COTL1: variants seen among roughly 807,000 people sequenced by gnomAD.
The protein encoded by COTL1 is coactosin-like protein.
In COTL1, 15 loss-of-function variants were observed where a neutral mutation model predicts 16.5. That is an observed-to-expected ratio of 0.91 (90% CI 0.61 to 1.40). The LOEUF is 1.40. Ranked by LOEUF, COTL1 falls within the 40% of genes most tolerant of loss-of-function variation. The pLI, the probability that COTL1 is intolerant of heterozygous loss-of-function variation, is 0.00. For missense variants in COTL1, 220 were observed against 201.5 expected (o/e 1.09, Z -0.56); for synonymous variants, 112 against 85.3 (o/e 1.31, Z -1.73).
At chr16:84,589,843 C>T (rs1189972699) in intron 3 of COTL1, among the ~76,000 whole-genome samples, 1 of 152,126 alleles carries the variant, frequency 6.6e-6, no homozygotes, top group Non-Finnish European at 1.5e-5. Context: ...ACCTGCCCCA[C>T]CCACGGAGGC....
chr16:84,596,448 T>A (rs770829517), intron 2 of COTL1: 9 of 152,110 alleles, frequency 5.9e-5, no homozygotes, highest in Non-Finnish European at 1.3e-4. Context: ...AGAAATGAGA[T>A]CTGAAGGGTT....
At chr16:84,570,482 A>AC (rs1181817021) in intron 3 of COTL1, among the ~76,000 whole-genome samples, 2 of 113,326 alleles carry the variant, frequency 1.8e-5, no homozygotes, top group Non-Finnish European at 3.9e-5. Flanking sequence ...GTTTCAAACT[A>AC]CAAAAAAAAA....
chr16:84,597,581 G>C (rs1448988924), intron 2 of COTL1, among the ~76,000 whole-genome samples: 1 of 152,122 alleles, frequency 6.6e-6, no homozygotes, highest in African/African-American at 2.4e-5. Flanking sequence ...TGAGCCCCAG[G>C]GTGATTCTGA....
At chr16:84,571,769 C>T (rs1049552526) in intron 3 of COTL1, among the ~76,000 whole-genome samples, 8 of 152,206 alleles carry the variant, frequency 5.3e-5, no homozygotes, top group Admixed American at 3.9e-4. Context: ...GGGCCTGTGA[C>T]CAACAGTGGT....
At position 84,617,898 on chromosome 16, in the gene COTL1, T is replaced by C. The variant is rs1226140702; in HGVS notation, c.17A>G (p.Asp6Gly). ...GTACGCCGCCCGGCAAGCCTCTTTG[T>C]CGATCTTGGTGGCCATCGCCGCGGA... MATKIDKEACRAAYNL... is the reference protein window; with the variant it reads MATKIGKEACRAAYNL... The change falls in exon 1 of 4, where the codon GAC becomes GGC. Residue 6 changes from aspartate to glycine, a missense_variant. Asp to Gly is a moderately conservative substitution (Grantham distance 94). Transcript: ENST00000262428. 5 of 1,562,592 alleles carry C rather than the reference T, an allele frequency of 3.2e-6. No individual in the cohort carries two copies. The highest frequency in any genetic ancestry group is 4.3e-6 in the Non-Finnish European group (5 of 1,154,620).
intron 3 of COTL1, 118 bp from the exon 4 acceptor site, chr16:84,567,073 T>C: frequency 1.5e-6 from 1 of 666,436 alleles, no homozygotes; most frequent in Non-Finnish European, 2.7e-6. Flanking sequence ...GAGATGGAAA[T>C]GGAAATTCAG....
chr16:84,569,431 A>T (rs1320693221), intron 3 of COTL1, among the ~76,000 whole-genome samples: 1 of 152,206 alleles, frequency 6.6e-6, no homozygotes, highest in Non-Finnish European at 1.5e-5. Flanking sequence ...TGAGCCCAGG[A>T]GCATCCCGAA....
chr16:84,611,089 CCCCACCTTTACAGACGAGAAAACACAGA>C (rs1905313683), intron 2 of COTL1, among the ~76,000 whole-genome samples: 1 of 152,212 alleles, frequency 6.6e-6, no homozygotes, highest in South Asian at 2.1e-4. Flanking sequence ...CAATCATTAT[CCCCACCTTTACAGACGAGAAAACACAGA>C]CCCTGGGAGA....
chr16:84,606,460 T>C (rs1905212927), intron 2 of COTL1, among the ~76,000 whole-genome samples: 1 of 152,246 alleles, frequency 6.6e-6, no homozygotes, highest in South Asian at 2.1e-4. Flanking sequence ...AGAACAAAGC[T>C]GACCTGGTTG....
At position 84,566,804 on chromosome 16, in the gene COTL1, G is replaced by T; in HGVS notation, c.*41C>A. On this transcript the variant is annotated 3_prime_UTR_variant, in exon 4 of 4. Transcript: ENST00000262428. ...GGCGGTCCTCTCCCCCGGGGAGCAG[G>T]CAGATGACTTTGGCAAGGGGTGGTG... The T allele has an allele frequency of 7.2e-7, 1 of 1,383,552 alleles. No homozygotes were observed. The highest frequency in any genetic ancestry group is 1.0e-6 in the Non-Finnish European group (1 of 971,586). The allele number at this position is 1,383,552 out of a possible 1,614,324, so 85.7% of individuals were successfully genotyped here. A position where few individuals can be genotyped will look rare whatever the true frequency, so the allele number is the denominator to read the frequency against.
In COTL1 at chr16:84,590,497, G is replaced by A. The variant is rs899706191; in HGVS notation, c.161-235C>T. 7.9e-6 allele frequency: 3 copies of A among 381,096 alleles called. No homozygotes were observed. Among genetic ancestry groups the A allele is most frequent in the Non-Finnish European group, 9.4e-6 (2 of 212,742 alleles). 23.6% of individuals were successfully genotyped at this position (381,096 alleles called of 1,614,324 possible). On this transcript the variant is annotated intron_variant, in intron 2 of 3. Transcript: ENST00000262428. The surrounding 1 kb of genome is among the most constrained non-coding windows in gnomAD (Gnocchi z 5.5). ...CAGGCTTCATGCCCATTTCACAGAT[G>A]GGAAATGGAGATTCAGAGAAGTCAC... is the stretch of plus-strand genomic sequence containing the variant.
At chr16:84,577,717 G>T (rs1443415276) in intron 3 of COTL1, among the ~76,000 whole-genome samples, 1 of 152,190 alleles carries the variant, frequency 6.6e-6, no homozygotes. Context: ...AGCCAAGACA[G>T]AGGCACACGG....
At chr16:84,613,945 A>G (rs928055433) in intron 2 of COTL1, among the ~76,000 whole-genome samples, 5 of 152,084 alleles carry the variant, frequency 3.3e-5, no homozygotes, top group African/African-American at 1.2e-4. Flanking sequence ...GGGACCCCCA[A>G]AATCACTGGC....
At chr16:84,584,926 G>A (rs544593785) in intron 3 of COTL1, among the ~76,000 whole-genome samples, 1 of 152,260 alleles carries the variant, frequency 6.6e-6, no homozygotes, top group Admixed American at 6.5e-5. Context: ...GCTGAAATTT[G>A]AACCCACGCC....
At position 84,590,883 on chromosome 16, in the gene COTL1, G is replaced by C. The variant is rs1313972290; in HGVS notation, c.161-621C>G. Reference sequence around the variant, plus strand: ...GTATGAAGAGGAAACAAAGAAAATGGCTCTTAATTTGGCCCGGGATATGGC... The same window carrying C: ...GTATGAAGAGGAAACAAAGAAAATGCCTCTTAATTTGGCCCGGGATATGGC... On this transcript the variant is annotated intron_variant, in intron 2 of 3. Transcript: ENST00000262428. This position sits in a 1 kb window ranked among gnomAD's most constrained non-coding sequence, Gnocchi z 5.5. Among the ~76,000 whole-genome samples the C allele has an allele frequency of 1.3e-5, 2 of 152,070 alleles. No individual in the cohort carries two copies. The highest frequency in any genetic ancestry group is 4.8e-5 in the African/African-American group (2 of 41,402).
intron 3 of COTL1, among the ~76,000 whole-genome samples, chr16:84,573,139 C>T (rs1350322991): frequency 6.6e-6 from 1 of 152,172 alleles, no homozygotes; most frequent in East Asian, 1.9e-4. Flanking sequence ...TTATCTAATC[C>T]AATATATGCA....
chr16:84,568,912 G>A (rs1904310092), intron 3 of COTL1: 1 of 152,208 alleles, frequency 6.6e-6, no homozygotes, highest in African/African-American at 2.4e-5. Flanking sequence ...TGCCAAAGCT[G>A]GCGTCTTGAA....
chr16:84,597,572 G>T (rs1329996379), intron 2 of COTL1, among the ~76,000 whole-genome samples: 1 of 152,158 alleles, frequency 6.6e-6, no homozygotes, highest in East Asian at 1.9e-4. Context: ...GTGCTCGAAT[G>T]AGCCCCAGGG....
At chr16:84,589,909 A>G (rs1174586484) in intron 3 of COTL1, among the ~76,000 whole-genome samples, 196 bp downstream of exon 3, 1 of 152,100 alleles carries the variant, frequency 6.6e-6, no homozygotes, top group Non-Finnish European at 1.5e-5. Flanking sequence ...AAACACAGTT[A>G]ACTCCTCCTA....
Sources: gnomAD v4.1 joint callset for allele counts (sites outside exome capture counted in the v4.1 genomes callset) on GRCh38, gnomAD v4.1.1 for gene constraint, Gnocchi (gnomAD v3.1) non-coding constraint, MANE v1.5 for transcripts, NCBI Gene and HGNC (gene_info 2026-07-23, HGNC 2026-07-21) for gene names.